EPAS1: variants seen among roughly 807,000 people sequenced by gnomAD.
The protein encoded by EPAS1 is endothelial PAS domain protein 1.
A neutral mutation model predicts 87.9 loss-of-function variants in EPAS1; 23 were observed. The ratio of observed to expected loss-of-function variants is 0.26; its 90% CI spans 0.19 to 0.37. The LOEUF (loss-of-function observed/expected upper bound fraction) is 0.37. Among genes scored for constraint, EPAS1 ranks in the 10% least tolerant of loss-of-function variants. EPAS1 has a pLI of 1.00. For missense variants in EPAS1, 1,138 were observed against 1,120.7 expected (o/e 1.02, Z -0.22); for synonymous variants, 508 against 444.3 (o/e 1.14, Z -1.80).
chr2:46,324,830 GA>G (rs754247141), intron 1 of EPAS1, among the ~76,000 whole-genome samples: 7 of 152,200 alleles, frequency 4.6e-5, no homozygotes, highest in Non-Finnish European at 1.0e-4. Context: ...GAGAAGTCCA[GA>G]AGTGGTTGGT....
chr2:46,308,523 A>G (rs1683152618), intron 1 of EPAS1, among the ~76,000 whole-genome samples: 1 of 148,736 alleles, frequency 6.7e-6, no homozygotes, highest in East Asian at 2.0e-4. Context: ...TGCTTTGTTC[A>G]TGTCCCTTGG....
At position 46,382,104 on chromosome 2, in the gene EPAS1, C is replaced by G. The variant is rs368909191; in HGVS notation, c.2287+15C>G. ...TGTACCCAATGGTGAGCAGCGGCCA[C>G]AGGCCTGGGCCTCCTGGGGGTTCTG... On this transcript the variant is annotated intron_variant, in intron 14 of 15. Coordinates refer to ENST00000263734, the MANE Select transcript of EPAS1 (RefSeq NM_001430.5). 1 of 1,610,968 alleles carries G rather than the reference C, an allele frequency of 6.2e-7. No individual in the cohort carries two copies. The highest frequency in any genetic ancestry group is 8.5e-7 in the Non-Finnish European group (1 of 1,178,160).
intron 1 of EPAS1, among the ~76,000 whole-genome samples, chr2:46,322,879 C>T (rs1300233036): frequency 1.3e-5 from 2 of 152,342 alleles, no homozygotes; most frequent in East Asian, 1.9e-4. Flanking sequence ...GAGATGTCCT[C>T]GGAATCTTTC....
At chr2:46,325,601 C>T (rs1018659405) in intron 1 of EPAS1, among the ~76,000 whole-genome samples, 7 of 152,136 alleles carry the variant, frequency 4.6e-5, no homozygotes, top group African/African-American at 1.4e-4. Context: ...CATTGCTTAG[C>T]CGGAGAATTC....
chr2:46,379,485 C>A (rs1169433912), intron 11 of EPAS1, among the ~76,000 whole-genome samples: 5 of 152,192 alleles, frequency 3.3e-5, no homozygotes, highest in Non-Finnish European at 1.5e-5. Context: ...CTCAGCACTC[C>A]TGTAGTATAT....
At chr2:46,373,385 A>G (rs886775445) in intron 7 of EPAS1, among the ~76,000 whole-genome samples, 7 of 152,228 alleles carry the variant, frequency 4.6e-5, no homozygotes, top group Non-Finnish European at 8.8e-5. Flanking sequence ...TCAAACATCC[A>G]TCAACAGGCA....
At chr2:46,364,094 A>G (rs1684456113) in intron 6 of EPAS1, among the ~76,000 whole-genome samples, 1 of 152,212 alleles carries the variant, frequency 6.6e-6, no homozygotes, top group African/African-American at 2.4e-5. Flanking sequence ...GCACATGCAC[A>G]CATATATACA....
chr2:46,373,973 G>A (rs59034065), intron 7 of EPAS1, among the ~76,000 whole-genome samples: 55,227 of 152,154 alleles, frequency 0.36, 11,437 homozygotes, highest in Non-Finnish European at 0.49. Flanking sequence ...CCTATGAAAT[G>A]CAGTGATGAT....
intron 12 of EPAS1, chr2:46,381,322 G>C: frequency 2.0e-6 from 1 of 506,958 alleles, no homozygotes; most frequent in South Asian, 2.0e-5. Context: ...AGAGACATGG[G>C]CAGAAGAAAC....
Position 46,347,192 on chromosome 2 carries a change from C to A in EPAS1, c.217+129C>A. The A allele has an allele frequency of 2.1e-6, 2 of 953,470 alleles. No individual in the cohort carries two copies. Among genetic ancestry groups the A allele is most frequent in the Non-Finnish European group, 3.4e-6 (2 of 596,352 alleles). The allele number at this position is 953,470 out of a possible 1,614,324, so 59.1% of individuals were successfully genotyped here. A position where few individuals can be genotyped will look rare whatever the true frequency, so the allele number is the denominator to read the frequency against. On this transcript the variant is annotated intron_variant, in intron 2 of 15. Transcript: ENST00000263734. The surrounding 1 kb of genome is among the most constrained non-coding windows in gnomAD (Gnocchi z 4.2). ...TACAGAACTTTCACCCACAGAAACA[C>A]CATCATGAGTGATTTATTCCTTCAT...
intron 4 of EPAS1, among the ~76,000 whole-genome samples, chr2:46,359,659 A>G (rs936191139): frequency 1.3e-5 from 2 of 152,208 alleles, no homozygotes; most frequent in Non-Finnish European, 1.5e-5. Context: ...ATGTCAGTCA[A>G]GATCCTCTGG....
chr2:46,327,415 A>G lies in EPAS1; in HGVS notation c.27-19458A>G, dbSNP rs138910018. On this transcript the variant is annotated intron_variant, in intron 1 of 15. Transcript: ENST00000263734. ...AGAACATAGGAATAGAGATTTTAGA[A>G]TGGACCAGAGTAGTCAGGAGATTTG... Among the ~76,000 whole-genome samples the G allele has an allele frequency of 2.0e-5, 3 of 152,324 alleles. No homozygotes were observed. In the East Asian group the frequency reaches 5.8e-4, roughly 29 times the overall value.
rs558818389 is a variant in EPAS1 at position 46,306,282 on chromosome 2, T to C, written c.26+8345T>C. 2.0e-5 allele frequency among the ~76,000 whole-genome samples: 3 copies of C among 152,354 alleles called. 1 individual carries two copies. The highest frequency in any genetic ancestry group is 3.9e-4 in the East Asian group (2 of 5,186). ...CTGTCACTACTTTGTATAAGTTTTT[T>C]CCTGACTGCCTCTGGTTAGGGGGCA... On this transcript the variant is annotated intron_variant, in intron 1 of 15. Coordinates refer to ENST00000263734, the MANE Select transcript of EPAS1 (RefSeq NM_001430.5).
At chr2:46,376,464 G>GAA in intron 8 of EPAS1, 75 bp from the exon 9 acceptor site, 1 of 1,446,938 alleles carries the variant, frequency 6.9e-7, no homozygotes, top group South Asian at 1.1e-5. Flanking sequence ...AGCTATGAGG[G>GAA]TTTCCATGCA....
At chr2:46,313,492 G>A (rs114484821) in intron 1 of EPAS1, among the ~76,000 whole-genome samples, 4 of 151,068 alleles carry the variant, frequency 2.6e-5, no homozygotes, top group South Asian at 2.1e-4. Flanking sequence ...TCACTCTGTC[G>A]CCAGGCTGCA....
chr2:46,380,723 T>TG lies in EPAS1; in HGVS notation c.2045+8dup, dbSNP rs557111154. On this transcript the variant is annotated splice_region_variant and intron_variant, in intron 12 of 15. Coordinates refer to ENST00000263734, the MANE Select transcript of EPAS1 (RefSeq NM_001430.5). This position sits in a 1 kb window ranked among gnomAD's most constrained non-coding sequence, Gnocchi z 4.4. Reference sequence around the variant, plus strand: ...GTCTCCACCTTCAAGACAAGGTAAGTGGCAGATACTCAGCTGTACCAGCAG... The same window carrying TG: ...GTCTCCACCTTCAAGACAAGGTAAGTGGGCAGATACTCAGCTGTACCAGCAG... 1,777 of 1,609,086 alleles carry TG rather than the reference T, an allele frequency of 1.1e-3. 14 individuals are homozygous for TG. The African/African-American group carries it at 0.02, about 18-fold the overall frequency.
In EPAS1 at chr2:46,356,183, G is replaced by A. The variant is rs1684268650; in HGVS notation, c.250G>A (p.Asp84Asn). 1.9e-6 allele frequency: 3 copies of A among 1,592,552 alleles called. No homozygotes were observed. Among genetic ancestry groups the A allele is most frequent in the Non-Finnish European group, 2.6e-6 (3 of 1,168,942 alleles). ...CSENESEAEA[D>N]QQMDNLYLKA... The stretch of plus-strand genomic sequence containing the variant: ...TGAAAACGAGTCCGAAGCCGAAGCT[G>A]ACCAGCAGATGGACAACTTGTACCT... The change falls in exon 3 of 16, where the codon GAC (aspartate) becomes AAC (asparagine). Residue 84 changes from aspartate to asparagine, a missense_variant. Physicochemically the swap from Asp to Asn is conservative, Grantham distance 23. Coordinates refer to ENST00000263734, the MANE Select transcript of EPAS1 (RefSeq NM_001430.5).
At chr2:46,381,518 AG>A in intron 12 of EPAS1, 77 bp from the exon 13 acceptor site, 3 of 1,609,212 alleles carry the variant, frequency 1.9e-6, no homozygotes, top group Non-Finnish European at 2.5e-6. Flanking sequence ...TGGGACTGGA[AG>A]GGCCCCTAAG....
chr2:46,306,084 C>A (rs899841554), intron 1 of EPAS1, among the ~76,000 whole-genome samples: 14 of 152,202 alleles, frequency 9.2e-5, no homozygotes, highest in African/African-American at 3.1e-4. Context: ...AGTTCAGAAG[C>A]ATTTTATAAG....
Sources: allele counts gnomAD v4.1 joint callset (sites outside exome capture counted in the v4.1 genomes callset), GRCh38; gene constraint gnomAD v4.1.1; non-coding constraint Gnocchi (gnomAD v3.1); transcripts MANE v1.5; gene names NCBI Gene and HGNC (gene_info 2026-07-23, HGNC 2026-07-21).